The following TMEM120B variants were observed in gnomAD, a reference collection of about 807,000 sequenced individuals.
TMEM120B encodes transmembrane protein 120B.
Under a neutral mutation model 55.5 loss-of-function variants are expected in TMEM120B, and 31 were observed. That is an observed-to-expected ratio of 0.56 (90% CI 0.42 to 0.75). TMEM120B has a LOEUF of 0.75. Ranked by LOEUF, TMEM120B falls within the 30% of genes least tolerant of loss-of-function variation. The pLI is 0.00. For missense variants in TMEM120B, 399 were observed against 425.5 expected (o/e 0.94, Z 0.55); for synonymous variants, 203 against 176.3 (o/e 1.15, Z -1.20).
intron 1 of TMEM120B, among the ~76,000 whole-genome samples, chr12:121,726,904 T>A (rs1894905134): frequency 1.3e-5 from 1 of 77,774 alleles, no homozygotes; most frequent in African/African-American, 7.1e-5. Flanking sequence ...TGGGACTCTG[T>A]CTCAAAAAAA....
At chr12:121,732,952 C>G (rs1279897758) in intron 1 of TMEM120B, among the ~76,000 whole-genome samples, 2 of 149,080 alleles carry the variant, frequency 1.3e-5, no homozygotes, top group Non-Finnish European at 3.0e-5. Context: ...GCACTCCAGC[C>G]TGGGCAACAG....
chr12:121,768,961 C>G (rs1413108463), intron 6 of TMEM120B, among the ~76,000 whole-genome samples: 1 of 151,982 alleles, frequency 6.6e-6, no homozygotes, highest in Non-Finnish European at 1.5e-5. Context: ...GCCTGGCCAA[C>G]CTGTTGAAAT....
Position 121,780,416 on chromosome 12 carries a change from T to C in TMEM120B, c.*4694T>C. On this transcript the variant is annotated 3_prime_UTR_variant, in exon 12 of 12. Transcript: ENST00000449592. Reference sequence around the variant, plus strand: ...AAGTTTCTTTTTGCCTTTGCATTCCTTTTATTCTGTTTATTCCCCCATGCC... The same window carrying C: ...AAGTTTCTTTTTGCCTTTGCATTCCCTTTATTCTGTTTATTCCCCCATGCC... 2 of 215,400 alleles carry C rather than the reference T, an allele frequency of 9.3e-6. No individual in the cohort carries two copies. Among genetic ancestry groups the C allele is most frequent in the African/African-American group, 2.3e-5 (1 of 43,838 alleles). The allele number at this position is 215,400 out of a possible 1,614,324, so 13.3% of individuals were successfully genotyped here.
chr12:121,749,512 T>C (rs985566061), intron 3 of TMEM120B, among the ~76,000 whole-genome samples: 1 of 151,652 alleles, frequency 6.6e-6, no homozygotes, highest in Non-Finnish European at 1.5e-5. Flanking sequence ...TGAGACCACA[T>C]CTCTACAAAA....
chr12:121,749,320 C>T (rs929505486), intron 3 of TMEM120B, among the ~76,000 whole-genome samples: 6 of 152,234 alleles, frequency 3.9e-5, no homozygotes, highest in African/African-American at 1.4e-4. Context: ...TGCCTTCCTG[C>T]CCCTCTGTCC....
chr12:121,732,476 G>C (rs994362997), intron 1 of TMEM120B, among the ~76,000 whole-genome samples: 3 of 152,106 alleles, frequency 2.0e-5, no homozygotes, highest in Non-Finnish European at 4.4e-5. Context: ...GAATGACCTC[G>C]TGTATCAGGG....
intron 2 of TMEM120B, among the ~76,000 whole-genome samples, chr12:121,744,698 G>T (rs545823315): frequency 1.3e-5 from 2 of 152,318 alleles, no homozygotes; most frequent in South Asian, 2.1e-4. Flanking sequence ...CCATTGTCAG[G>T]CAGGGAAACT....
chr12:121,760,615 T>TTGA (rs1873646252), intron 5 of TMEM120B, among the ~76,000 whole-genome samples: 1 of 152,236 alleles, frequency 6.6e-6, no homozygotes, highest in African/African-American at 2.4e-5. Context: ...GTGCACGTGC[T>TTGA]TGAGCCCACT....
intron 1 of TMEM120B, among the ~76,000 whole-genome samples, chr12:121,717,105 T>A (rs1894716858): frequency 6.6e-6 from 1 of 152,166 alleles, no homozygotes; most frequent in Admixed American, 6.6e-5. Flanking sequence ...GTTTCAGGCA[T>A]GCTGGTGAGT....
intron 1 of TMEM120B, among the ~76,000 whole-genome samples, chr12:121,736,431 G>A (rs1421604894): frequency 6.6e-6 from 1 of 151,314 alleles, no homozygotes; most frequent in Non-Finnish European, 1.5e-5. Context: ...GCCTCCCAAA[G>A]TGCTGGGATT....
At position 121,742,421 on chromosome 12, in the gene TMEM120B, A is replaced by AAAAAC. The variant is rs1379306305; in HGVS notation, c.70-1193_70-1189dup. ...TAATAAATCCATCTCTTCAACTGCT[A>AAAAAC]AAAACAAAACAAAACAAAAAAAATC... On this transcript the variant is annotated intron_variant, in intron 1 of 11. Transcript: ENST00000449592. Among the ~76,000 whole-genome samples, 4 of 152,168 alleles carry AAAAAC rather than the reference A, an allele frequency of 2.6e-5. 1 individual carries two copies. The highest frequency in any genetic ancestry group is 1.9e-4 in the East Asian group (1 of 5,192).
At position 121,779,444 on chromosome 12, in the gene TMEM120B, G is replaced by A; in HGVS notation, c.*3722G>A. The A allele has an allele frequency of 1.3e-6, 2 of 1,586,628 alleles. No homozygotes were observed. Among genetic ancestry groups the A allele is most frequent in the South Asian group, 2.2e-5 (2 of 90,198 alleles). ...TGGGGCAGCCTCCCTGGTGCAATCG[G>A]CACCTGGGCCCCCGGGCCCTGTCAG... On this transcript the variant is annotated 3_prime_UTR_variant, in exon 12 of 12. Transcript: ENST00000449592.
At chr12:121,727,124 T>G (rs1894911580) in intron 1 of TMEM120B, among the ~76,000 whole-genome samples, 1 of 151,976 alleles carries the variant, frequency 6.6e-6, no homozygotes, top group Non-Finnish European at 1.5e-5. Flanking sequence ...GTTTCTCCGT[T>G]TGGTAGAAAA....
chr12:121,726,577 T>C (rs1894896542), intron 1 of TMEM120B, among the ~76,000 whole-genome samples: 1 of 90,914 alleles, frequency 1.1e-5, no homozygotes, highest in Non-Finnish European at 2.0e-5. Flanking sequence ...AGACTCTGTC[T>C]CAAAAAAAAA....
At position 121,773,529 on chromosome 12, in the gene TMEM120B, T is replaced by G. The variant is rs1368146242; in HGVS notation, c.772+16T>G. The G allele has an allele frequency of 1.3e-6, 2 of 1,570,054 alleles. No individual in the cohort carries two copies. Among genetic ancestry groups the G allele is most frequent in the Non-Finnish European group, 1.7e-6 (2 of 1,156,262 alleles). ...CTCACAGTGGGTGAGTAGCTGGGCCTGGGTTGGAGCCGGGGCAGGTACTGG... is the reference window on the plus strand; with the variant it reads ...CTCACAGTGGGTGAGTAGCTGGGCCGGGGTTGGAGCCGGGGCAGGTACTGG... On this transcript the variant is annotated intron_variant, in intron 9 of 11. Transcript: ENST00000449592.
At chr12:121,716,343 A>G (rs1197073609) in intron 1 of TMEM120B, among the ~76,000 whole-genome samples, 2 of 151,716 alleles carry the variant, frequency 1.3e-5, no homozygotes, top group Non-Finnish European at 2.9e-5. Flanking sequence ...TTGGGGAACA[A>G]GCAGGTAACA....
Position 121,781,612 on chromosome 12 carries a change from C to G in TMEM120B, c.*5890C>G, listed in dbSNP as rs112573193. On this transcript the variant is annotated 3_prime_UTR_variant, in exon 12 of 12. Coordinates refer to ENST00000449592, the MANE Select transcript of TMEM120B (RefSeq NM_001080825.2). ...AAACTGCTAGAGATGATGCCGATAG[C>G]CAGTGTGATCCCCCTGCCCTGATGG... is the stretch of plus-strand genomic sequence containing the variant. The G allele has an allele frequency of 0.011, 2,185 of 204,752 alleles. 38 individuals carry two copies. The highest frequency in any genetic ancestry group is 0.029 in the South Asian group (384 of 13,072). The allele number at this position is 204,752 out of a possible 1,614,324, so 12.7% of individuals were successfully genotyped here. A position where few individuals can be genotyped will look rare whatever the true frequency, so the allele number is the denominator to read the frequency against.
At chr12:121,749,084 G>A (rs1162359605) in intron 3 of TMEM120B, among the ~76,000 whole-genome samples, 2 of 152,174 alleles carry the variant, frequency 1.3e-5, no homozygotes, top group African/African-American at 4.8e-5. Context: ...CTGTTTTCCG[G>A]ATCAGCCTCG....
intron 7 of TMEM120B, 80 bp from the exon 8 acceptor site, chr12:121,771,408 G>T (rs1874048571): frequency 5.5e-6 from 7 of 1,266,784 alleles, no homozygotes; most frequent in Non-Finnish European, 8.1e-6. Context: ...GCCTCTTCTG[G>T]TTGGAATGGA....
Sources: gnomAD v4.1 joint callset for allele counts (sites outside exome capture counted in the v4.1 genomes callset) on GRCh38, gnomAD v4.1.1 for gene constraint, MANE v1.5 for transcripts, NCBI Gene and HGNC (gene_info 2026-07-23, HGNC 2026-07-21) for gene names.